SPTB: variants seen among roughly 807,000 people sequenced by gnomAD.
The protein encoded by SPTB is spectrin beta, erythrocytic.
In SPTB, 45 loss-of-function variants were observed where a neutral mutation model predicts 256.2. The observed-to-expected ratio is 0.18, with a 90% confidence interval of 0.14 to 0.23. The LOEUF (loss-of-function observed/expected upper bound fraction) is 0.23, where lower values mean the gene tolerates loss of function less well. Ranked by LOEUF, SPTB falls within the 10% of genes least tolerant of loss-of-function variation. SPTB has a pLI of 1.00. For missense variants in SPTB, 2,715 were observed against 3,040.4 expected, an observed-to-expected ratio of 0.89 and a Z score of 2.52; for synonymous variants, 1,231 against 1,243.1, an observed-to-expected ratio of 0.99 and a Z score of 0.21.
chr14:64,781,005 G>A (rs2139539160), intron 20 of SPTB, among the ~76,000 whole-genome samples: 1 of 152,286 alleles, frequency 6.6e-6, no homozygotes, highest in South Asian at 2.1e-4. Context: ...ATGGTGCTGG[G>A]AGAACTGGCT....
Position 64,759,292 on chromosome 14 carries a change from C to T in SPTB, c.6346-5499G>A, listed in dbSNP as rs1052765651. 6.6e-6 allele frequency among the ~76,000 whole-genome samples: 1 copy of T among 152,158 alleles called. No individual in the cohort carries two copies. The highest frequency in any genetic ancestry group is 1.5e-5 in the Non-Finnish European group (1 of 68,026). On this transcript the variant is annotated intron_variant, in intron 32 of 35. Coordinates refer to ENST00000644917, the MANE Select transcript of SPTB (RefSeq NM_001355436.2). The surrounding 1 kb of genome is among the most constrained non-coding windows in gnomAD (Gnocchi z 4.8). ...GCTGGGCAGGGACCCACCCATGACC[C>T]CCTGGCTGCGAACCTGCAGTGGGAG...
rs1015959104 is a variant in SPTB at position 64,783,002 on chromosome 14, T to C, written c.4003-449A>G. ...AGTTGCAGACAAGGGTCAGCTGCTG[T>C]GAGAAAAAGGATTCCAGACCCATCC... On this transcript the variant is annotated intron_variant, in intron 19 of 35. Transcript: ENST00000644917. Among the ~76,000 whole-genome samples, 4 of 152,070 alleles carry C rather than the reference T, an allele frequency of 2.6e-5. No homozygotes were observed. In the South Asian group the frequency reaches 8.3e-4, roughly 32 times the overall value.
chr14:64,768,990 G>GTAC, intron 29 of SPTB, 44 bp downstream of exon 29: 2 of 1,512,456 alleles, frequency 1.3e-6, no homozygotes, highest in Non-Finnish European at 1.8e-6. Context: ...TACTCCTGCG[G>GTAC]GGGTACTCCT....
At chr14:64,862,351 T>G (rs760280624) in intron 1 of SPTB, among the ~76,000 whole-genome samples, 2 of 152,128 alleles carry the variant, frequency 1.3e-5, no homozygotes, top group African/African-American at 2.4e-5. Flanking sequence ...CAAAAATGCT[T>G]TAAGACTTGA....
At chr14:64,751,904 A>G (rs2081955063) in intron 33 of SPTB, among the ~76,000 whole-genome samples, 1 of 148,562 alleles carries the variant, frequency 6.7e-6, no homozygotes, top group East Asian at 2.0e-4. Context: ...CAACAAGGTG[A>G]AACCCCATTT....
In SPTB at chr14:64,787,036, C is replaced by T. The variant is rs2082584270; in HGVS notation, c.2929G>A (p.Val977Met). The change falls in exon 16 of 36, where the codon GTG becomes ATG. Residue 977 changes from valine to methionine, a missense_variant. By Grantham distance (21) the Val-to-Met change is conservative. Transcript: ENST00000644917. ...CGCCCCAGGTCTTTTGTGGACTCCA[C>T]TACCTTTGTCTTGTCCGTGATCCAC... Reference protein sequence around the residue: ...SKWITDKTKVVESTKDLGRDL... With the variant: ...SKWITDKTKVMESTKDLGRDL... The T allele has an allele frequency of 3.1e-6, 5 of 1,614,098 alleles. No homozygotes were observed. Among genetic ancestry groups the T allele is most frequent in the East Asian group, 2.2e-5 (1 of 44,884 alleles).
chr14:64,780,609 C>T (rs55705069), intron 20 of SPTB, among the ~76,000 whole-genome samples: 21,627 of 152,146 alleles, frequency 0.14, 2,226 homozygotes, highest in African/African-American at 0.29. Context: ...GACAAGGTTT[C>T]TCCATGTTGG....
intron 2 of SPTB, among the ~76,000 whole-genome samples, chr14:64,810,536 C>T (rs905606053): frequency 4.6e-5 from 7 of 151,946 alleles, no homozygotes; most frequent in Admixed American, 6.6e-5. Flanking sequence ...AAAAATTAGC[C>T]GGGCATGGTG....
At chr14:64,804,216 T>C (rs913919762) in intron 3 of SPTB, among the ~76,000 whole-genome samples, 3 of 152,230 alleles carry the variant, frequency 2.0e-5, no homozygotes, top group African/African-American at 7.2e-5. Context: ...CAGTGATAAC[T>C]GCATCATCTG....
chr14:64,762,939 C>T (rs1046791495), intron 32 of SPTB, among the ~76,000 whole-genome samples: 2 of 152,186 alleles, frequency 1.3e-5, no homozygotes, highest in Admixed American at 1.3e-4. Flanking sequence ...CTTTCAGGGA[C>T]GTCACACATG....
At position 64,826,200 on chromosome 14, in the gene SPTB, AG is replaced by A. The variant is rs1286010277; in HGVS notation, c.-51-3056del. 3.3e-5 allele frequency among the ~76,000 whole-genome samples: 5 copies of A among 152,246 alleles called. No individual in the cohort carries two copies. Among genetic ancestry groups the A allele is most frequent in the Non-Finnish European group, 7.3e-5 (5 of 68,036 alleles). On this transcript the variant is annotated intron_variant, in intron 1 of 35. Transcript: ENST00000644917. The surrounding 1 kb of genome is among the most constrained non-coding windows in gnomAD (Gnocchi z 4.4). ...TCTCGGAGAATCAGGTGTAAGAGGC[AG>A]GAAGGAAATAAATAAGAGAACAGGA...
intron 15 of SPTB, among the ~76,000 whole-genome samples, chr14:64,788,672 C>A (rs2139575628): frequency 6.6e-6 from 1 of 152,324 alleles, no homozygotes; most frequent in South Asian, 2.1e-4. Flanking sequence ...ATTTTCCAGG[C>A]CTTTCCTGGA....
In SPTB at chr14:64,779,579, A is replaced by G; in HGVS notation, c.4473+146T>C. ...AGCACTGGCTTGAGCTTTCCATTTAATGTAATCCTCACAAGAACCCTATGA... is the reference window on the plus strand; with the variant it reads ...AGCACTGGCTTGAGCTTTCCATTTAGTGTAATCCTCACAAGAACCCTATGA... On this transcript the variant is annotated intron_variant, in intron 21 of 35. Coordinates refer to ENST00000644917, the MANE Select transcript of SPTB (RefSeq NM_001355436.2). This position sits in a 1 kb window ranked among gnomAD's most constrained non-coding sequence, Gnocchi z 4.2. 1 of 860,784 alleles carries G rather than the reference A, an allele frequency of 1.2e-6. No individual in the cohort carries two copies. The highest frequency in any genetic ancestry group is 2.0e-6 in the Non-Finnish European group (1 of 511,352). 53.3% of individuals were successfully genotyped at this position (860,784 alleles called of 1,614,324 possible).
Position 64,796,750 on chromosome 14 carries a change from C to G in SPTB, c.1183-35G>C, listed in dbSNP as rs2082777553. 6.2e-7 allele frequency: 1 copy of G among 1,613,612 alleles called. No homozygotes were observed. ...GGATGGAATGAGAATTCTTGGGGCACAGGAGAAATGCCTCACTTTGGGGGC... is the reference window on the plus strand; with the variant it reads ...GGATGGAATGAGAATTCTTGGGGCAGAGGAGAAATGCCTCACTTTGGGGGC... On this transcript the variant is annotated intron_variant, in intron 10 of 35. Transcript: ENST00000644917. The surrounding 1 kb of genome is among the most constrained non-coding windows in gnomAD (Gnocchi z 4.1).
chr14:64,786,443 C>G lies in SPTB; in HGVS notation c.3522G>C (p.Gln1174His). The change falls in exon 16 of 36, where the codon CAG becomes CAC. Residue 1174 changes from glutamine to histidine, a missense_variant. This residue lies in a region of SPTB where 2,239 missense variants were observed against 2,384.4 expected (regional missense o/e 0.94). Coordinates refer to ENST00000644917, the MANE Select transcript of SPTB (RefSeq NM_001355436.2). The surrounding 1 kb of genome is among the most constrained non-coding windows in gnomAD (Gnocchi z 5.6). ...LAQCLGFQEF[Q>H]KDAKQAEAIL... ...TGGCTTCAGCCTGCTTGGCATCTTT[C>G]TGGAACTCCTGGAAGCCAAGGCACT... 1 of 1,614,172 alleles carries G rather than the reference C, an allele frequency of 6.2e-7. No homozygotes were observed. Among genetic ancestry groups the G allele is most frequent in the South Asian group, 1.1e-5 (1 of 91,088 alleles).
intron 22 of SPTB, among the ~76,000 whole-genome samples, chr14:64,776,796 A>G (rs942997387): frequency 3.9e-5 from 6 of 152,192 alleles, no homozygotes; most frequent in Admixed American, 6.5e-5. Flanking sequence ...TGTGCAGGGT[A>G]CTTACATTTA....
In SPTB at chr14:64,772,436, C is replaced by T. The variant is rs943849322; in HGVS notation, c.5553+144G>A. The T allele has an allele frequency of 1.7e-6, 2 of 1,149,996 alleles. No homozygotes were observed. Among genetic ancestry groups the T allele is most frequent in the Non-Finnish European group, 2.4e-6 (2 of 829,488 alleles). 71.2% of individuals were successfully genotyped at this position (1,149,996 alleles called of 1,614,324 possible). A position where few individuals can be genotyped will look rare whatever the true frequency, so the allele number is the denominator to read the frequency against. On this transcript the variant is annotated intron_variant, in intron 26 of 35. Transcript: ENST00000644917. The surrounding 1 kb of genome is among the most constrained non-coding windows in gnomAD (Gnocchi z 5.4). ...TAAGGAACATCTGAAAGCCACTGCT[C>T]CCAGCCCTGAGCTCCTGGCTGTCTA...
chr14:64,812,587 G>A (rs1307901347), intron 2 of SPTB, among the ~76,000 whole-genome samples: 2 of 151,796 alleles, frequency 1.3e-5, no homozygotes, highest in Non-Finnish European at 2.9e-5. Flanking sequence ...TCTCTTTCTT[G>A]TGTTACTCCT....
At position 64,806,606 on chromosome 14, in the gene SPTB, C is replaced by G. The variant is rs1175478034; in HGVS notation, c.149-1516G>C. Among the ~76,000 whole-genome samples, 2 of 152,204 alleles carry G rather than the reference C, an allele frequency of 1.3e-5. No homozygotes were observed. Among genetic ancestry groups the G allele is most frequent in the African/African-American group, 4.8e-5 (2 of 41,454 alleles). On this transcript the variant is annotated intron_variant, in intron 2 of 35. Transcript: ENST00000644917. The surrounding 1 kb of genome is among the most constrained non-coding windows in gnomAD (Gnocchi z 4.1). The stretch of plus-strand genomic sequence containing the variant: ...TGAGGCTTGCTGCATCAGATGCCTT[C>G]CGGCTTCATGGCTATTTTGGTATTA...
Sources: allele counts gnomAD v4.1 joint callset (sites outside exome capture counted in the v4.1 genomes callset), GRCh38; gene constraint gnomAD v4.1.1; regional missense constraint gnomAD v4.1.1; non-coding constraint Gnocchi (gnomAD v3.1); transcripts MANE v1.5; gene names NCBI Gene and HGNC (gene_info 2026-07-23, HGNC 2026-07-21).